Variants in SUGCT observed in about 807,000 individuals in gnomAD.
SUGCT encodes the protein succinyl-CoA:glutarate-CoA transferase.
In SUGCT, 41 loss-of-function variants were observed where a neutral mutation model predicts 55.0. The ratio of observed to expected loss-of-function variants is 0.74; its 90% CI spans 0.58 to 0.97. The LOEUF is 0.97. Among genes scored for constraint, SUGCT ranks in the 50% least tolerant of loss-of-function variants. The pLI, the probability that SUGCT is intolerant of heterozygous loss-of-function variation, is 0.00. For synonymous variants in SUGCT, 187 were observed against 200.4 expected, an observed-to-expected ratio of 0.93 and a Z score of 0.56; for missense variants, 568 against 547.8, an observed-to-expected ratio of 1.04 and a Z score of -0.37.
chr7:40,959,215 A>G, the SUGCT span, among the ~76,000 whole-genome samples: 2 of 152,226 alleles, frequency 1.3e-5, no homozygotes, highest in African/African-American at 2.4e-5. Flanking sequence ...GTCCGCTGCT[A>G]TCTTCAGAGC....
chr7:40,605,677 G>C (rs1036919390), intron 12 of SUGCT, among the ~76,000 whole-genome samples: 4 of 152,178 alleles, frequency 2.6e-5, no homozygotes, highest in African/African-American at 9.7e-5. Context: ...AATAAAGGAA[G>C]ATATTAATTG....
chr7:40,584,782 G>A lies in SUGCT; in HGVS notation c.1089+88396G>A, dbSNP rs578096710. Among the ~76,000 whole-genome samples, 30 of 152,244 alleles carry A rather than the reference G, an allele frequency of 2.0e-4. 1 individual carries two copies. Among genetic ancestry groups the A allele is most frequent in the African/African-American group, 6.3e-4 (26 of 41,546 alleles). ...CAGTAACATAAGGCTCCACTGTGGC[G>A]AACTATTTACACTGGATACTTTTCT... On this transcript the variant is annotated intron_variant, in intron 12 of 13. Transcript: ENST00000335693.
chr7:41,022,220 T>C, the SUGCT span, among the ~76,000 whole-genome samples: 1 of 152,034 alleles, frequency 6.6e-6, no homozygotes, highest in Non-Finnish European at 1.5e-5. Flanking sequence ...CAAAAAGGGG[T>C]ATTCTAAATA....
At chr7:40,220,680 A>G (rs896715251) in intron 6 of SUGCT, among the ~76,000 whole-genome samples, 1 of 152,220 alleles carries the variant, frequency 6.6e-6, no homozygotes, top group African/African-American at 2.4e-5. Context: ...TTCCACAAAT[A>G]CATAGATATA....
At chr7:40,406,482 C>G (rs1017651097) in intron 9 of SUGCT, among the ~76,000 whole-genome samples, 3 of 152,154 alleles carry the variant, frequency 2.0e-5, no homozygotes, top group Non-Finnish European at 4.4e-5. Flanking sequence ...GTAAATTCCT[C>G]TCAAGTTTGG....
chr7:40,513,783 A>ATT lies in SUGCT; in HGVS notation c.1089+17419_1089+17420dup, dbSNP rs869065628. 6.2e-3 allele frequency among the ~76,000 whole-genome samples: 640 copies of ATT among 103,778 alleles called. 4 individuals carry two copies. Among genetic ancestry groups the ATT allele is most frequent in the African/African-American group, 9.3e-3 (246 of 26,468 alleles). The allele number at this position is 103,778 out of a possible 152,430, so 68.1% of individuals were successfully genotyped here. ...GTGTGATCTTTAAGCTCAGGGAAGT[A>ATT]TTTTTTTTTTTTTTTTTTTTTTTGG... On this transcript the variant is annotated intron_variant, in intron 12 of 13. Coordinates refer to ENST00000335693, the MANE Select transcript of SUGCT (RefSeq NM_001193313.2).
chr7:40,427,598 G>T (rs1293383925), intron 9 of SUGCT, among the ~76,000 whole-genome samples: 1 of 152,136 alleles, frequency 6.6e-6, no homozygotes, highest in African/African-American at 2.4e-5. Flanking sequence ...TCAGTATTTA[G>T]TTCCACCTCG....
chr7:40,935,850 A>G, the SUGCT span, among the ~76,000 whole-genome samples: 6 of 152,156 alleles, frequency 3.9e-5, no homozygotes, highest in Non-Finnish European at 7.4e-5. Flanking sequence ...GTACCATTTT[A>G]TAATCTCACC....
At chr7:40,184,074 C>T (rs910696147) in intron 3 of SUGCT, among the ~76,000 whole-genome samples, 1 of 152,066 alleles carries the variant, frequency 6.6e-6, no homozygotes, top group African/African-American at 2.4e-5. Flanking sequence ...ACTTGGAAGG[C>T]TGAGGCAGGA....
At chr7:40,345,018 C>T (rs1797239478) in intron 9 of SUGCT, among the ~76,000 whole-genome samples, 2 of 152,112 alleles carry the variant, frequency 1.3e-5, no homozygotes. Flanking sequence ...TATGTGGGGT[C>T]CCCCAGAGTT....
intron 9 of SUGCT, among the ~76,000 whole-genome samples, chr7:40,367,313 GC>G (rs898971761): frequency 1.9e-4 from 29 of 151,594 alleles, no homozygotes; most frequent in African/African-American, 6.3e-4. Flanking sequence ...TATACCTAAT[GC>G]TAAATGACGA....
the SUGCT span, among the ~76,000 whole-genome samples, chr7:40,898,949 T>C: frequency 6.6e-6 from 1 of 152,096 alleles, no homozygotes; most frequent in Non-Finnish European, 1.5e-5. Context: ...AACTGCCACA[T>C]TTAAGTGAAA....
intron 12 of SUGCT, among the ~76,000 whole-genome samples, chr7:40,727,100 C>T (rs562497545): frequency 5.6e-4 from 85 of 152,180 alleles, no homozygotes; most frequent in Non-Finnish European, 2.4e-4. Flanking sequence ...CTCCTTTGCT[C>T]ACTGTTAGCT....
At chr7:40,485,532 G>T (rs1043002005) in intron 11 of SUGCT, among the ~76,000 whole-genome samples, 21 of 147,952 alleles carry the variant, frequency 1.4e-4, no homozygotes, top group African/African-American at 4.2e-4. Flanking sequence ...CTCAAGTGGT[G>T]CTCTCACCTC....
At chr7:40,864,626 G>A (rs1794548484), downstream of SUGCT, among the ~76,000 whole-genome samples, 2 of 151,944 alleles carry the variant, frequency 1.3e-5, no homozygotes, top group Admixed American at 1.3e-4. Flanking sequence ...GCAAATACTT[G>A]CACTACTACA....
the SUGCT span, among the ~76,000 whole-genome samples, chr7:41,030,438 G>A: frequency 2.0e-5 from 3 of 152,264 alleles, no homozygotes; most frequent in African/African-American, 7.2e-5. Flanking sequence ...TTAAGGCAGT[G>A]ATAACATACA....
At chr7:40,947,438 GGCTTTCTCAT>G in the SUGCT span, among the ~76,000 whole-genome samples, 1 of 149,766 alleles carries the variant, frequency 6.7e-6, no homozygotes, top group African/African-American at 2.4e-5. Context: ...CCAGTGTCTG[GGCTTTCTCAT>G]GCACAAGTTC....
chr7:40,575,596 A>G (rs1026064225), intron 12 of SUGCT, among the ~76,000 whole-genome samples: 14 of 131,256 alleles, frequency 1.1e-4, no homozygotes, highest in South Asian at 2.3e-4. Context: ...TTTAAATGGG[A>G]AAAAAAAAAA....
the SUGCT span, among the ~76,000 whole-genome samples, chr7:40,881,130 C>T: frequency 6.6e-6 from 1 of 152,182 alleles, no homozygotes; most frequent in African/African-American, 2.4e-5. Context: ...TGCCACTGTC[C>T]TCATGTTTTC....
Sources: gnomAD v4.1 joint callset for allele counts (sites outside exome capture counted in the v4.1 genomes callset) on GRCh38, gnomAD v4.1.1 for gene constraint, MANE v1.5 for transcripts, NCBI Gene and HGNC (gene_info 2026-07-23, HGNC 2026-07-21) for gene names.